The following FAM107A variants were observed in gnomAD, a reference collection of about 807,000 sequenced individuals.
FAM107A encodes the protein family with sequence similarity 107 member A, also known as actin-associated protein FAM107A.
A neutral mutation model predicts 13.7 loss-of-function variants in FAM107A; 19 were observed. The observed-to-expected ratio is 1.38, with a 90% CI of 0.97 to 2.03. FAM107A has a LOEUF of 2.03. FAM107A is among the 30% of genes most tolerant of loss of function. The pLI, the probability that FAM107A is intolerant of heterozygous loss-of-function variation, is 0.00. For missense variants in FAM107A, 203 were observed against 184.4 expected, an observed-to-expected ratio of 1.10 and a Z score of -0.58; for synonymous variants, 82 against 74.5, an observed-to-expected ratio of 1.10 and a Z score of -0.52.
upstream of FAM107A, among the ~76,000 whole-genome samples, chr3:58,587,474 A>AGTGTGTGT (rs376881213): frequency 1.2e-4 from 18 of 145,452 alleles, no homozygotes; most frequent in Non-Finnish European, 2.4e-4. Context: ...ATCAGCTTAG[A>AGTGTGTGT]GTGTGTGTGT....
At chr3:58,588,816 C>T (rs1385363997), upstream of FAM107A, among the ~76,000 whole-genome samples, 1 of 152,044 alleles carries the variant, frequency 6.6e-6, no homozygotes, top group Non-Finnish European at 1.5e-5. Flanking sequence ...CACGCAACCG[C>T]AACTGGCTAA....
intron 1 of FAM107A, chr3:58,607,571 CATGTATGTGTGTATACGT>C (rs2065807019): frequency 1.3e-5 from 1 of 75,810 alleles, no homozygotes; most frequent in Non-Finnish European, 2.7e-5. Flanking sequence ...TGTATATGTG[CATGTATGTGTGTATACGT>C]GTGCATGTAT....
chr3:58,589,032 G>A (rs1015622999), upstream of FAM107A, among the ~76,000 whole-genome samples: 13 of 152,138 alleles, frequency 8.5e-5, no homozygotes, highest in African/African-American at 3.1e-4. Flanking sequence ...AGTTGGTAGT[G>A]GAGCCAGAAT....
Position 58,567,260 on chromosome 3 carries a change from A to G in FAM107A, c.275T>C (p.Leu92Pro), listed in dbSNP as rs1278461087. Residue 92 changes from leucine (L) to proline (P), a missense_variant, in exon 3 of 4, where the codon CTG (leucine) becomes CCG (proline). Physicochemically the swap from Leu to Pro is moderately conservative, Grantham distance 98 (BLOSUM62 -3). Coordinates refer to ENST00000360997, the MANE Select transcript of FAM107A (RefSeq NM_001076778.3). Reference sequence around the variant, plus strand: ...CAGCTCCTGCTCAAAGGGGCACTGCAGCCGCTTGGCTTCCAGCTCCTCCTT... The same window carrying G: ...CAGCTCCTGCTCAAAGGGGCACTGCGGCCGCTTGGCTTCCAGCTCCTCCTT... ...KKKEELEAKR[L>P]QCPFEQELLR... 6 of 1,614,006 alleles carry G rather than the reference A, an allele frequency of 3.7e-6. No homozygotes were observed. Among genetic ancestry groups the G allele is most frequent in the South Asian group, 1.1e-5 (1 of 91,080 alleles).
intron 1 of FAM107A, chr3:58,607,671 G>T (rs1277954572): frequency 6.6e-6 from 1 of 152,178 alleles, no homozygotes; most frequent in Non-Finnish European, 1.5e-5. Flanking sequence ...CTCCTTGCTG[G>T]CTCAATGAAG....
Position 58,569,784 on chromosome 3 carries a change from G to T in FAM107A, c.77C>A (p.Pro26Gln). The T allele has an allele frequency of 1.2e-6, 2 of 1,614,062 alleles. No individual in the cohort carries two copies. The highest frequency in any genetic ancestry group is 4.5e-5 in the East Asian group (2 of 44,888). The change falls in exon 2 of 4, where the codon CCG becomes CAG. Residue 26 changes from proline (P) to glutamine (Q), a missense_variant. Coordinates refer to ENST00000360997, the MANE Select transcript of FAM107A (RefSeq NM_001076778.3). The surrounding 1 kb of genome is among the most constrained non-coding windows in gnomAD (Gnocchi z 5.7). ...MARPEYREWNPELIKPKKLLN... is the reference protein window; with the variant it reads ...MARPEYREWNQELIKPKKLLN... ...CAGCTTCTTGGGCTTGATGAGCTCC[G>T]GATTCCACTCTCTGTATTCTGGCCG...
rs1403592865 is a variant in FAM107A, at chr3:58,569,832, G to T, written c.29C>A (p.Ala10Glu). Residue 10 changes from alanine (A) to glutamate (E), a missense_variant, in exon 2 of 4, where the codon GCA (alanine) becomes GAA (glutamate). Transcript: ENST00000360997. This position sits in a 1 kb window ranked among gnomAD's most constrained non-coding sequence, Gnocchi z 5.7. MYSEIQRER[A>E]DIGGLMARPE... Reference sequence around the variant, plus strand: ...CCGGGCCATCAGGCCCCCAATGTCTGCCCGCTCCCTCTGGATCTCCGAGTA... The same window carrying T: ...CCGGGCCATCAGGCCCCCAATGTCTTCCCGCTCCCTCTGGATCTCCGAGTA... 6.2e-7 allele frequency: 1 copy of T among 1,614,062 alleles called. No homozygotes were observed. The highest frequency in any genetic ancestry group is 1.1e-5 in the South Asian group (1 of 91,078).
intron 1 of FAM107A, among the ~76,000 whole-genome samples, chr3:58,622,428 G>A (rs1011090286): frequency 2.7e-5 from 4 of 150,096 alleles, no homozygotes; most frequent in African/African-American, 7.3e-5. Context: ...GTGACAGGGC[G>A]AGACTCTGTA....
rs1320540627 is a variant in FAM107A, at chr3:58,565,674, G to C, written c.*914C>G. 1 of 151,926 alleles carries C rather than the reference G, an allele frequency of 6.6e-6. No homozygotes were observed. The highest frequency in any genetic ancestry group is 2.4e-5 in the African/African-American group (1 of 41,334). 9.4% of individuals were successfully genotyped at this position (151,926 alleles called of 1,614,324 possible). On this transcript the variant is annotated 3_prime_UTR_variant, in exon 4 of 4. Coordinates refer to ENST00000360997, the MANE Select transcript of FAM107A (RefSeq NM_001076778.3). ...TGGGGTGGGAATCCCTGGGGCATCA[G>C]TCCACAGGAGGTGGGGGCCAGCGAT...
At chr3:58,616,409 A>G (rs2065901287) in intron 1 of FAM107A, among the ~76,000 whole-genome samples, 1 of 152,086 alleles carries the variant, frequency 6.6e-6, no homozygotes, top group Non-Finnish European at 1.5e-5. Context: ...CCTAGCTCCT[A>G]CCTGTGAATG....
upstream of FAM107A, among the ~76,000 whole-genome samples, chr3:58,591,136 A>G (rs2065651069): frequency 6.6e-6 from 1 of 152,158 alleles, no homozygotes; most frequent in African/African-American, 2.4e-5. This position sits in a 1 kb window ranked among gnomAD's most constrained non-coding sequence, Gnocchi z 4.3. Flanking sequence ...TGGGAGATAG[A>G]CAGTAAGCAT....
intron 1 of FAM107A, among the ~76,000 whole-genome samples, chr3:58,615,512 A>G (rs1165474871): frequency 6.6e-6 from 1 of 152,212 alleles, no homozygotes; most frequent in Non-Finnish European, 1.5e-5. Flanking sequence ...GAGACAGTTA[A>G]ATAACCAAAG....
intron 1 of FAM107A, among the ~76,000 whole-genome samples, chr3:58,576,721 G>A (rs922357136): frequency 2.0e-5 from 3 of 152,220 alleles, no homozygotes; most frequent in East Asian, 1.9e-4. Flanking sequence ...CCCTTCACAC[G>A]TTAACCTGCG....
At chr3:58,577,413 G>C (rs1575443284), upstream of FAM107A, 6 of 985,388 alleles carry the variant, frequency 6.1e-6, no homozygotes, top group Non-Finnish European at 7.2e-6. The surrounding 1 kb of genome is among the most constrained non-coding windows in gnomAD (Gnocchi z 4.9). Flanking sequence ...CTAGAGGGCG[G>C]TTCTTAAACC....
chr3:58,602,564 C>T (rs969848056), intron 1 of FAM107A, among the ~76,000 whole-genome samples: 1 of 152,080 alleles, frequency 6.6e-6, no homozygotes, highest in Non-Finnish European at 1.5e-5. Context: ...AAACGTCCAG[C>T]GATAGGGGAT....
At chr3:58,584,689 T>A (rs2065584517) in intron 1 of FAM107A, among the ~76,000 whole-genome samples, 1 of 152,072 alleles carries the variant, frequency 6.6e-6, no homozygotes, top group Non-Finnish European at 1.5e-5. Context: ...CGAAATCAAA[T>A]GGAGACACTT....
upstream of FAM107A, among the ~76,000 whole-genome samples, chr3:58,578,210 C>A (rs2063746315): frequency 6.6e-6 from 1 of 152,174 alleles, no homozygotes; most frequent in Non-Finnish European, 1.5e-5. Context: ...CAGCATGGTG[C>A]ATTTTGCCTG....
chr3:58,614,997 G>A (rs2065888326), intron 1 of FAM107A, among the ~76,000 whole-genome samples: 1 of 151,642 alleles, frequency 6.6e-6, no homozygotes, highest in African/African-American at 2.4e-5. Context: ...GTAGAGATGG[G>A]GTTTCACTAT....
intron 1 of FAM107A, among the ~76,000 whole-genome samples, chr3:58,574,818 T>A (rs572116662): frequency 1.3e-5 from 2 of 152,316 alleles, no homozygotes; most frequent in African/African-American, 4.8e-5. Context: ...CAGAGCTCCT[T>A]GCCACAGGCT....
Sources: allele counts gnomAD v4.1 joint callset (sites outside exome capture counted in the v4.1 genomes callset), GRCh38; gene constraint gnomAD v4.1.1; non-coding constraint Gnocchi (gnomAD v3.1); transcripts MANE v1.5; gene names NCBI Gene and HGNC (gene_info 2026-07-23, HGNC 2026-07-21).